The following PIP4K2A variants were observed in gnomAD, a reference collection of about 807,000 sequenced individuals.
PIP4K2A encodes the protein phosphatidylinositol 5-phosphate 4-kinase type-2 alpha.
A neutral mutation model predicts 42.9 loss-of-function variants in PIP4K2A; 14 were observed. The observed-to-expected ratio is 0.33, with a 90% CI of 0.22 to 0.51. The LOEUF (loss-of-function observed/expected upper bound fraction) is 0.51. Ranked by LOEUF, PIP4K2A falls within the 20% of genes least tolerant of loss-of-function variation. The pLI, the probability that PIP4K2A is intolerant of heterozygous loss-of-function variation, is 0.97. For synonymous variants in PIP4K2A, 192 were observed against 192.2 expected, an observed-to-expected ratio of 1.00 and a Z score of 0.01; for missense variants, 434 against 519.8, an observed-to-expected ratio of 0.83 and a Z score of 1.61.
At chr10:22,600,484 GGTGA>G (rs1208849636) in intron 3 of PIP4K2A, among the ~76,000 whole-genome samples, 1 of 152,046 alleles carries the variant, frequency 6.6e-6, no homozygotes, top group South Asian at 2.1e-4. Flanking sequence ...ACCCACCAGG[GGTGA>G]GTGAGTATCT....
At chr10:22,623,306 T>C (rs1205579719) in intron 1 of PIP4K2A, among the ~76,000 whole-genome samples, 1 of 152,086 alleles carries the variant, frequency 6.6e-6, no homozygotes, top group East Asian at 1.9e-4. Context: ...TCCGTACTGT[T>C]TAAATTCTTG....
At chr10:22,592,828 T>C (rs753200744) in intron 3 of PIP4K2A, among the ~76,000 whole-genome samples, 10 of 152,226 alleles carry the variant, frequency 6.6e-5, no homozygotes, top group African/African-American at 2.2e-4. Flanking sequence ...CTTTCACTCC[T>C]TGCCTGGCCC....
At chr10:22,670,061 A>C (rs1839420775) in intron 1 of PIP4K2A, among the ~76,000 whole-genome samples, 1 of 152,136 alleles carries the variant, frequency 6.6e-6, no homozygotes, top group East Asian at 1.9e-4. Flanking sequence ...ACCACATGTA[A>C]TTTACAACTC....
intron 5 of PIP4K2A, chr10:22,568,917 G>C: frequency 1.1e-6 from 1 of 919,882 alleles, no homozygotes; most frequent in Non-Finnish European, 1.7e-6. Flanking sequence ...CCTAACTATC[G>C]TGAGGTCAGC....
At chr10:22,675,053 C>G (rs528065779) in intron 1 of PIP4K2A, among the ~76,000 whole-genome samples, 1 of 152,130 alleles carries the variant, frequency 6.6e-6, no homozygotes, top group Non-Finnish European at 1.5e-5. Context: ...AGAGAACTTA[C>G]TTTATTGCTT....
intron 1 of PIP4K2A, among the ~76,000 whole-genome samples, chr10:22,643,877 C>T (rs1838829281): frequency 6.6e-6 from 1 of 152,130 alleles, no homozygotes; most frequent in African/African-American, 2.4e-5. Flanking sequence ...TTACACCACG[C>T]CTCTGCCTCT....
chr10:22,669,632 C>A (rs993029080), intron 1 of PIP4K2A, among the ~76,000 whole-genome samples: 2 of 152,132 alleles, frequency 1.3e-5, no homozygotes, highest in South Asian at 2.1e-4. Context: ...GGGTTTATTG[C>A]GGGCGTGCCC....
intron 1 of PIP4K2A, among the ~76,000 whole-genome samples, chr10:22,635,202 G>A (rs1033998093): frequency 6.6e-6 from 1 of 152,144 alleles, no homozygotes; most frequent in East Asian, 1.9e-4. Flanking sequence ...AAAACCCACA[G>A]AATGTACAAC....
intron 6 of PIP4K2A, among the ~76,000 whole-genome samples, chr10:22,561,800 G>A (rs1018841328): frequency 6.6e-6 from 1 of 151,774 alleles, no homozygotes. Flanking sequence ...CCCGAGCTCA[G>A]GCTATCCTGT....
At chr10:22,569,778 C>T (rs545001295) in intron 5 of PIP4K2A, among the ~76,000 whole-genome samples, 2 of 151,936 alleles carry the variant, frequency 1.3e-5, no homozygotes, top group Admixed American at 6.5e-5. Context: ...AGCTTGGGAA[C>T]AACAAAACAC....
At position 22,578,954 on chromosome 10, in the gene PIP4K2A, C is replaced by T. The variant is rs146087297; in HGVS notation, c.493-5497G>A. Among the ~76,000 whole-genome samples the T allele has an allele frequency of 2.2e-3, 342 of 152,146 alleles. 1 individual carries two copies. The highest frequency in any genetic ancestry group is 7.8e-3 in the African/African-American group (325 of 41,496). On this transcript the variant is annotated intron_variant, in intron 4 of 9. Transcript: ENST00000376573. ...CCATGACCCTTACCTCCAGGTGTTA[C>T]AAATATGAAAATTCTAGATTTTGAA...
chr10:22,713,321 AC>A (rs1833944634), intron 1 of PIP4K2A, among the ~76,000 whole-genome samples: 3 of 150,688 alleles, frequency 2.0e-5, no homozygotes, highest in Middle Eastern at 3.4e-3. Context: ...CCTTTCCCAC[AC>A]CCCCCACAGC....
chr10:22,638,979 G>A (rs1765953903), intron 1 of PIP4K2A, among the ~76,000 whole-genome samples: 1 of 152,160 alleles, frequency 6.6e-6, no homozygotes. Context: ...TGCCATGACA[G>A]CAAAATTGGA....
intron 3 of PIP4K2A, among the ~76,000 whole-genome samples, chr10:22,604,767 G>A (rs1344118458): frequency 1.3e-5 from 2 of 152,198 alleles, no homozygotes; most frequent in African/African-American, 4.8e-5. Flanking sequence ...ACATTGGCAA[G>A]CTCCAGGAGA....
At chr10:22,681,722 A>G (rs1839665604) in intron 1 of PIP4K2A, among the ~76,000 whole-genome samples, 1 of 152,080 alleles carries the variant, frequency 6.6e-6, no homozygotes, top group African/African-American at 2.4e-5. Flanking sequence ...AAAAAATAAA[A>G]CGCAGGAAAA....
chr10:22,601,656 G>A (rs1195600359), intron 3 of PIP4K2A, among the ~76,000 whole-genome samples: 1 of 152,220 alleles, frequency 6.6e-6, no homozygotes, highest in African/African-American at 2.4e-5. Flanking sequence ...GAGCATTAGA[G>A]TTGGACCAAG....
At chr10:22,653,103 G>A (rs1164186912) in intron 1 of PIP4K2A, among the ~76,000 whole-genome samples, 1 of 151,848 alleles carries the variant, frequency 6.6e-6, no homozygotes, top group African/African-American at 2.4e-5. Context: ...AGAAAGAAGG[G>A]TTTATGAGAA....
intron 1 of PIP4K2A, among the ~76,000 whole-genome samples, chr10:22,683,885 G>A (rs1166444136): frequency 6.6e-6 from 1 of 150,898 alleles, no homozygotes; most frequent in Non-Finnish European, 1.5e-5. Flanking sequence ...AATTCAAAGT[G>A]TGTCAGATCT....
At chr10:22,680,344 C>T (rs1300921960) in intron 1 of PIP4K2A, among the ~76,000 whole-genome samples, 2 of 151,952 alleles carry the variant, frequency 1.3e-5, no homozygotes, top group Non-Finnish European at 2.9e-5. Flanking sequence ...CTTTAGATGG[C>T]CGAATTATGA....
Sources: gnomAD v4.1 joint callset for allele counts (sites outside exome capture counted in the v4.1 genomes callset) on GRCh38, gnomAD v4.1.1 for gene constraint, MANE v1.5 for transcripts, NCBI Gene and HGNC (gene_info 2026-07-23, HGNC 2026-07-21) for gene names.